CNKSR2: variants seen among roughly 807,000 people sequenced by gnomAD.
CNKSR2 encodes CNK homolog protein 2.
A neutral mutation model predicts 84.4 loss-of-function variants in CNKSR2; 14 were observed. The ratio of observed to expected loss-of-function variants is 0.17; its 90% CI spans 0.11 to 0.26. The LOEUF (loss-of-function observed/expected upper bound fraction) is 0.26, where lower values mean the gene tolerates loss of function less well. Among genes scored for constraint, CNKSR2 ranks in the 10% least tolerant of loss-of-function variants. CNKSR2 has a pLI of 1.00. For synonymous variants in CNKSR2, 275 were observed against 277.9 expected (o/e 0.99, Z 0.10); for missense variants, 485 against 771.2 (o/e 0.63, Z 4.40).
At chrX:21,485,532 A>T (rs1407694702) in intron 5 of CNKSR2, among the ~76,000 whole-genome samples, 5 of 111,095 alleles carry the variant, frequency 4.5e-5, no homozygotes, top group Admixed American at 1.9e-4. Flanking sequence ...TCAGCCTGAG[A>T]ATATGATGTA....
At chrX:21,495,408 ATAAT>A (rs2091483330) in intron 6 of CNKSR2, 1 of 111,744 alleles carries the variant, frequency 8.9e-6, no homozygotes, top group Non-Finnish European at 1.9e-5. Context: ...ATGATGGATG[ATAAT>A]TATTTTGTGT....
At chrX:21,595,632 A>T (rs1397872421) in intron 17 of CNKSR2, among the ~76,000 whole-genome samples, 1 of 111,695 alleles carries the variant, frequency 9.0e-6, no homozygotes, top group Non-Finnish European at 1.9e-5. Context: ...ACCCAAAAAA[A>T]TCTACCACCA....
At chrX:21,386,863 T>C (rs1489302447) in intron 1 of CNKSR2, among the ~76,000 whole-genome samples, 2 of 112,277 alleles carry the variant, frequency 1.8e-5, no homozygotes, top group Admixed American at 1.9e-4. Context: ...GAAGTTACCT[T>C]AGTCTTGTCT....
intron 9 of CNKSR2, among the ~76,000 whole-genome samples, chrX:21,522,541 G>T: frequency 9.0e-6 from 1 of 110,711 alleles, no homozygotes; most frequent in East Asian, 2.8e-4. Flanking sequence ...AAAATGTTTT[G>T]GGGAAAACCT....
chrX:21,627,909 C>G (rs1569282644), intron 20 of CNKSR2, among the ~76,000 whole-genome samples: 1 of 111,347 alleles, frequency 9.0e-6, no homozygotes, highest in Non-Finnish European at 1.9e-5. Context: ...CCCCCAAAGT[C>G]TTATCTCATT....
chrX:21,437,654 G>A (rs1045044099), intron 3 of CNKSR2, among the ~76,000 whole-genome samples: 2 of 109,183 alleles, frequency 1.8e-5, no homozygotes, highest in East Asian at 5.7e-4. Flanking sequence ...TCCTGACCTC[G>A]TGATCCACCT....
chrX:21,603,154 AT>A (rs1278989648), intron 18 of CNKSR2, among the ~76,000 whole-genome samples: 1 of 112,443 alleles, frequency 8.9e-6, no homozygotes, highest in Non-Finnish European at 1.9e-5. Context: ...TAAGTAGAGA[AT>A]CATAGGCAGA....
At chrX:21,403,465 A>G (rs2069694809) in intron 1 of CNKSR2, among the ~76,000 whole-genome samples, 2 of 110,967 alleles carry the variant, frequency 1.8e-5, no homozygotes, top group African/African-American at 6.6e-5. Flanking sequence ...ATCAAAGGTA[A>G]CTCCGATTTC....
intron 1 of CNKSR2, among the ~76,000 whole-genome samples, chrX:21,404,399 C>T (rs1354930783): frequency 9.0e-6 from 1 of 111,228 alleles, no homozygotes; most frequent in Non-Finnish European, 1.9e-5. Context: ...CATTTTCCAT[C>T]CCTATATTAT....
chrX:21,463,597 T>G (rs146302788), intron 4 of CNKSR2, among the ~76,000 whole-genome samples: 1,453 of 111,473 alleles, frequency 0.013, 22 homozygotes, highest in African/African-American at 0.046. Flanking sequence ...ATTTTCCAAT[T>G]TATTGCCATG....
intron 13 of CNKSR2, among the ~76,000 whole-genome samples, chrX:21,585,807 A>C (rs1335899236): frequency 9.0e-6 from 1 of 111,697 alleles, no homozygotes; most frequent in Non-Finnish European, 1.9e-5. Context: ...TATAATAAAC[A>C]GAAAGTGCTA....
intron 20 of CNKSR2, among the ~76,000 whole-genome samples, chrX:21,618,325 A>G (rs2092587478): frequency 9.0e-6 from 1 of 111,427 alleles, no homozygotes; most frequent in Non-Finnish European, 1.9e-5. Flanking sequence ...TAATAACATA[A>G]TCTATTACAC....
rs541633370 is a variant in CNKSR2, at chrX:21,494,221, C to T, written c.682-3566C>T. ...CAATAACTACAGTGTCTTTTCTAAACATTTTTCTTTAAATATTAGGCTTTC... is the reference window on the plus strand; with the variant it reads ...CAATAACTACAGTGTCTTTTCTAAATATTTTTCTTTAAATATTAGGCTTTC... On this transcript the variant is annotated intron_variant, in intron 6 of 21. Coordinates refer to ENST00000379510, the MANE Select transcript of CNKSR2 (RefSeq NM_014927.5). 7.2e-5 allele frequency: 8 copies of T among 111,620 alleles called. No homozygotes were observed. In the South Asian group the frequency reaches 3.0e-3, roughly 42 times the overall value. 9.2% of individuals were successfully genotyped at this position (111,620 alleles called of 1,213,427 possible).
chrX:21,461,718 C>T (rs1009623266), intron 4 of CNKSR2, among the ~76,000 whole-genome samples: 1 of 111,832 alleles, frequency 8.9e-6, no homozygotes, highest in East Asian at 2.8e-4. Flanking sequence ...TTGTATATGG[C>T]GGGAGATACA....
In CNKSR2 at chrX:21,507,113, A is replaced by C. The variant is rs773901067; in HGVS notation, c.810+5525A>C. ...TTTAACTGCCTGATAAAAAATTATC[A>C]CATGAAAGGGAAACGCTAAAGAACC... On this transcript the variant is annotated intron_variant, in intron 8 of 21. Coordinates refer to ENST00000379510, the MANE Select transcript of CNKSR2 (RefSeq NM_014927.5). 2.4e-3 allele frequency among the ~76,000 whole-genome samples: 268 copies of C among 110,500 alleles called. 1 individual carries two copies. Among genetic ancestry groups the C allele is most frequent in the Non-Finnish European group, 4.2e-3 (222 of 52,769 alleles).
chrX:21,505,298 T>G (rs1040035744), intron 8 of CNKSR2: 1 of 111,509 alleles, frequency 9.0e-6, no homozygotes, highest in African/African-American at 3.3e-5. Flanking sequence ...TTCACTGTTA[T>G]TTTGAAAGAT....
intron 6 of CNKSR2, 118 bp downstream of exon 6, chrX:21,490,696 A>G: frequency 1.3e-6 from 1 of 778,075 alleles, no homozygotes; most frequent in Non-Finnish European, 1.7e-6. Flanking sequence ...ACATTTTGGT[A>G]TTTTTTTCCT....
intron 1 of CNKSR2, among the ~76,000 whole-genome samples, chrX:21,402,775 G>A (rs1014586218): frequency 9.0e-6 from 1 of 110,712 alleles, no homozygotes; most frequent in African/African-American, 3.3e-5. Flanking sequence ...TGAACAGGAA[G>A]AGCCAGGAAA....
chrX:21,578,051 G>T (rs932415292), intron 13 of CNKSR2, among the ~76,000 whole-genome samples: 2 of 111,079 alleles, frequency 1.8e-5, no homozygotes, highest in African/African-American at 6.5e-5. Context: ...ATTGGCAATG[G>T]ACCAAAGTGC....
Sources: allele counts gnomAD v4.1 joint callset (sites outside exome capture counted in the v4.1 genomes callset), GRCh38; gene constraint gnomAD v4.1.1; transcripts MANE v1.5; gene names NCBI Gene and HGNC (gene_info 2026-07-23, HGNC 2026-07-21).